Variants in GRM5 observed in about 807,000 individuals in gnomAD.
GRM5 encodes the protein metabotropic glutamate receptor 5.
GRM5 carries 19 observed loss-of-function variants against 83.1 expected under a neutral mutation model. The ratio of observed to expected loss-of-function variants is 0.23; its 90% CI spans 0.16 to 0.34. GRM5 has a LOEUF of 0.34. Ranked by LOEUF, GRM5 falls within the 10% of genes least tolerant of loss-of-function variation. GRM5 has a pLI of 1.00. For missense variants in GRM5, 1,160 were observed against 1,588.3 expected (o/e 0.73, Z 4.58); for synonymous variants, 675 against 633.6 (o/e 1.07, Z -0.98).
At chr11:88,887,407 GT>G (rs796527735) in intron 2 of GRM5, among the ~76,000 whole-genome samples, 39 of 149,626 alleles carry the variant, frequency 2.6e-4, no homozygotes, top group East Asian at 1.2e-3. Context: ...CTATTATGTA[GT>G]TTTTTTTTTG....
intron 4 of GRM5, among the ~76,000 whole-genome samples, chr11:88,622,663 A>G (rs1409590085): frequency 6.6e-6 from 1 of 152,174 alleles, no homozygotes; most frequent in African/African-American, 2.4e-5. Context: ...AACATGATAT[A>G]TATGCATGTA....
At chr11:88,517,976 G>T (rs964324804) in intron 9 of GRM5, among the ~76,000 whole-genome samples, 1 of 151,996 alleles carries the variant, frequency 6.6e-6, no homozygotes, top group East Asian at 1.9e-4. Flanking sequence ...AAGAACAGCA[G>T]CCTCACACAA....
At chr11:88,805,609 A>G (rs1943486094) in intron 3 of GRM5, among the ~76,000 whole-genome samples, 1 of 152,240 alleles carries the variant, frequency 6.6e-6, no homozygotes, top group Non-Finnish European at 1.5e-5. Context: ...AGAAATTTCA[A>G]TGCAAATGGA....
chr11:88,511,104 T>G (rs1330047901), intron 9 of GRM5, among the ~76,000 whole-genome samples: 1 of 152,222 alleles, frequency 6.6e-6, no homozygotes. Context: ...CTTCCAAGGA[T>G]CTATGCTTTT....
intron 2 of GRM5, among the ~76,000 whole-genome samples, chr11:88,866,495 T>C (rs1395148235): frequency 4.6e-5 from 7 of 151,918 alleles, no homozygotes; most frequent in Admixed American, 1.3e-4. Context: ...GGCATGTGTA[T>C]ACCTATGTAA....
intron 7 of GRM5, among the ~76,000 whole-genome samples, chr11:88,572,332 A>G (rs903384212): frequency 2.0e-5 from 3 of 152,214 alleles, no homozygotes; most frequent in African/African-American, 7.2e-5. Context: ...TATGTCAGAG[A>G]AGATGTAACA....
At chr11:89,010,188 C>T (rs4753211) in intron 2 of GRM5, among the ~76,000 whole-genome samples, 2 of 151,672 alleles carry the variant, frequency 1.3e-5, no homozygotes, top group South Asian at 2.1e-4. Context: ...CTATTATACA[C>T]GATTATATGC....
chr11:88,999,541 C>A (rs1055677851), intron 2 of GRM5, among the ~76,000 whole-genome samples: 105 of 152,206 alleles, frequency 6.9e-4, no homozygotes, highest in African/African-American at 2.3e-3. Flanking sequence ...CAATGAGATA[C>A]CATCTCATAC....
At chr11:89,040,997 C>G (rs576338900) in intron 2 of GRM5, among the ~76,000 whole-genome samples, 1 of 152,332 alleles carries the variant, frequency 6.6e-6, no homozygotes, top group Admixed American at 6.5e-5. Context: ...AAACATCTCA[C>G]AGCATGCCCT....
intron 4 of GRM5, among the ~76,000 whole-genome samples, chr11:88,606,632 A>G (rs1377845966): frequency 2.0e-5 from 3 of 151,868 alleles, no homozygotes; most frequent in Non-Finnish European, 4.4e-5. Flanking sequence ...TCTGTTTTAG[A>G]AAAGACCAAT....
At chr11:88,687,579 A>ATATTATATATATATATTATATAT (rs1250226972) in intron 3 of GRM5, among the ~76,000 whole-genome samples, 1 of 46,878 alleles carries the variant, frequency 2.1e-5, no homozygotes. Context: ...ATATATATAT[A>ATATTATATATATATATTATATAT]ATATATATAT....
intron 2 of GRM5, among the ~76,000 whole-genome samples, chr11:88,943,297 C>T (rs1315981978): frequency 2.0e-5 from 3 of 151,998 alleles, no homozygotes; most frequent in Non-Finnish European, 4.4e-5. Flanking sequence ...TTTCTCCAGA[C>T]ATCTAGAAAT....
chr11:89,056,989 A>T (rs927037976), intron 1 of GRM5, among the ~76,000 whole-genome samples: 1 of 149,930 alleles, frequency 6.7e-6, no homozygotes. Flanking sequence ...AGAGATATTG[A>T]TGGATAAACT....
intron 1 of GRM5, among the ~76,000 whole-genome samples, chr11:89,053,383 G>A (rs1402784057): frequency 6.6e-6 from 1 of 152,094 alleles, no homozygotes; most frequent in Non-Finnish European, 1.5e-5. Flanking sequence ...CCATTACTCA[G>A]ATTATTATAA....
chr11:88,657,014 G>C (rs1939781687), intron 3 of GRM5, among the ~76,000 whole-genome samples: 1 of 151,940 alleles, frequency 6.6e-6, no homozygotes, highest in Admixed American at 6.6e-5. Flanking sequence ...AAGGGACTAG[G>C]GATAACTGTA....
chr11:88,728,687 G>A (rs953044204), intron 3 of GRM5, among the ~76,000 whole-genome samples: 11 of 151,782 alleles, frequency 7.2e-5, no homozygotes, highest in African/African-American at 1.7e-4. Context: ...GTATCAAGTC[G>A]GCTTCATCCC....
intron 8 of GRM5, among the ~76,000 whole-genome samples, chr11:88,539,672 C>T (rs906623104): frequency 2.0e-5 from 3 of 152,176 alleles, no homozygotes; most frequent in African/African-American, 7.2e-5. Context: ...TCTATTAATT[C>T]TTTTAAGTTA....
intron 3 of GRM5, among the ~76,000 whole-genome samples, chr11:88,675,895 G>A (rs967701072): frequency 3.9e-5 from 6 of 151,956 alleles, no homozygotes; most frequent in African/African-American, 1.4e-4. Flanking sequence ...GAATATGGAA[G>A]TACAGAAATA....
At chr11:88,840,564 C>T (rs2135530017) in intron 3 of GRM5, among the ~76,000 whole-genome samples, 1 of 152,198 alleles carries the variant, frequency 6.6e-6, no homozygotes, top group East Asian at 1.9e-4. Context: ...GATCTGGAAA[C>T]AGTTTTCTTC....
Sources: allele counts gnomAD v4.1 joint callset (sites outside exome capture counted in the v4.1 genomes callset), GRCh38; gene constraint gnomAD v4.1.1; transcripts MANE v1.5; gene names NCBI Gene and HGNC (gene_info 2026-07-23, HGNC 2026-07-21).